The following SORCS2 variants were observed in gnomAD, a reference collection of about 807,000 sequenced individuals.
SORCS2 encodes the protein sortilin related VPS10 domain containing receptor 2.
A neutral mutation model predicts 141.6 loss-of-function variants in SORCS2; 100 were observed. The observed-to-expected ratio is 0.71, with a 90% CI of 0.60 to 0.83. The LOEUF is 0.83. Among genes scored for constraint, SORCS2 ranks in the 40% least tolerant of loss-of-function variants. The pLI is 0.00. For missense variants in SORCS2, 1,646 were observed against 1,560.2 expected, an observed-to-expected ratio of 1.05 and a Z score of -0.93; for synonymous variants, 789 against 676.9, an observed-to-expected ratio of 1.17 and a Z score of -2.57.
rs145350035 is a variant in SORCS2 at position 7,712,221 on chromosome 4, T to C, written c.1869-512T>C. On this transcript the variant is annotated intron_variant, in intron 14 of 26. Coordinates refer to ENST00000507866, the MANE Select transcript of SORCS2 (RefSeq NM_020777.3). Reference sequence around the variant, plus strand: ...TTATTTCTCTTTGAATCGCCACCTCTACTAGGGAGCAAATGCCCTGTGGCC... The same window carrying C: ...TTATTTCTCTTTGAATCGCCACCTCCACTAGGGAGCAAATGCCCTGTGGCC... Among the ~76,000 whole-genome samples, 784 of 152,312 alleles carry C rather than the reference T, an allele frequency of 5.1e-3. 5 individuals carry two copies. Among genetic ancestry groups the C allele is most frequent in the African/African-American group, 0.018 (737 of 41,570 alleles).
chr4:7,199,795 C>T (rs148547337), intron 1 of SORCS2, among the ~76,000 whole-genome samples: 14 of 152,252 alleles, frequency 9.2e-5, no homozygotes, highest in Non-Finnish European at 1.6e-4. Flanking sequence ...TCTGCACCCC[C>T]TCAAGTGCTG....
intron 2 of SORCS2, among the ~76,000 whole-genome samples, chr4:7,487,422 C>T (rs1429724644): frequency 2.0e-5 from 3 of 152,210 alleles, no homozygotes; most frequent in East Asian, 1.9e-4. Context: ...CTCCACTTCC[C>T]CCTCCCCTTG....
intron 3 of SORCS2, among the ~76,000 whole-genome samples, chr4:7,541,936 A>G (rs868047185): frequency 2.0e-5 from 3 of 152,238 alleles, no homozygotes; most frequent in Non-Finnish European, 4.4e-5. Flanking sequence ...CAGCTCACCA[A>G]TGAGCATACT....
chr4:7,509,474 C>G (rs1199446271), intron 2 of SORCS2, among the ~76,000 whole-genome samples: 1 of 152,156 alleles, frequency 6.6e-6, no homozygotes, highest in Non-Finnish European at 1.5e-5. Context: ...GACGGCACAG[C>G]CAGGACGCAT....
chr4:7,193,860 C>T lies in SORCS2; in HGVS notation c.480+734C>T, dbSNP rs1410246259. On this transcript the variant is annotated intron_variant, in intron 1 of 26. Coordinates refer to ENST00000507866, the MANE Select transcript of SORCS2 (RefSeq NM_020777.3). This position sits in a 1 kb window ranked among gnomAD's most constrained non-coding sequence, Gnocchi z 4.8. ...GGCTTTGCTCCAGCTGGAAGTTTGC[C>T]ACCTCTGTTGGGGACCTCCTGTTCC... Among the ~76,000 whole-genome samples the T allele has an allele frequency of 6.6e-6, 1 of 152,176 alleles. No individual in the cohort carries two copies. The highest frequency in any genetic ancestry group is 2.1e-4 in the South Asian group (1 of 4,834).
At chr4:7,399,678 G>A (rs6852515) in intron 2 of SORCS2, among the ~76,000 whole-genome samples, 22,340 of 152,110 alleles carry the variant, frequency 0.15, 1,772 homozygotes, top group Non-Finnish European at 0.18. Flanking sequence ...TGTGCAGGGC[G>A]TGCTCCTCCA....
At chr4:7,329,908 G>T (rs1396968377) in intron 1 of SORCS2, among the ~76,000 whole-genome samples, 1 of 152,092 alleles carries the variant, frequency 6.6e-6, no homozygotes, top group Non-Finnish European at 1.5e-5. Context: ...TCTGGATGTG[G>T]CCCCATCTTG....
chr4:7,199,300 C>T (rs865877522), intron 1 of SORCS2, among the ~76,000 whole-genome samples: 3 of 152,050 alleles, frequency 2.0e-5, no homozygotes, highest in Non-Finnish European at 4.4e-5. Flanking sequence ...GAAGTGGGGC[C>T]GGTGTGGAGG....
At chr4:7,410,904 C>T (rs1019423136) in intron 2 of SORCS2, among the ~76,000 whole-genome samples, 30 of 148,148 alleles carry the variant, frequency 2.0e-4, no homozygotes, top group African/African-American at 6.7e-4. Flanking sequence ...GAGGAGACTT[C>T]TCAGCATTCC....
chr4:7,275,793 G>A (rs899395642), intron 1 of SORCS2, among the ~76,000 whole-genome samples: 2 of 152,176 alleles, frequency 1.3e-5, no homozygotes, highest in African/African-American at 4.8e-5. Context: ...GCTTTGATGT[G>A]TAGTGTCGTG....
At chr4:7,644,432 C>G (rs1220516716) in intron 4 of SORCS2, among the ~76,000 whole-genome samples, 1 of 152,160 alleles carries the variant, frequency 6.6e-6, no homozygotes. Context: ...CAGACATGGC[C>G]CAGTGGGGCA....
chr4:7,687,378 G>T (rs1250402213), intron 10 of SORCS2, among the ~76,000 whole-genome samples: 2 of 152,176 alleles, frequency 1.3e-5, no homozygotes, highest in Non-Finnish European at 2.9e-5. Flanking sequence ...GGACTGAAAG[G>T]TGCCAGCAAG....
At chr4:7,700,706 A>AC (rs1169165113) in intron 12 of SORCS2, among the ~76,000 whole-genome samples, 1 of 151,804 alleles carries the variant, frequency 6.6e-6, no homozygotes, top group African/African-American at 2.4e-5. Flanking sequence ...CCCCCGCTCC[A>AC]CCCCCGGGGG....
At chr4:7,613,990 C>T (rs1718590537) in intron 3 of SORCS2, among the ~76,000 whole-genome samples, 1 of 151,956 alleles carries the variant, frequency 6.6e-6, no homozygotes, top group African/African-American at 2.4e-5. Context: ...TCCATCTATC[C>T]ATCCACCTAT....
At chr4:7,459,359 G>A (rs992867187) in intron 2 of SORCS2, among the ~76,000 whole-genome samples, 5 of 152,292 alleles carry the variant, frequency 3.3e-5, no homozygotes, top group African/African-American at 1.2e-4. Context: ...TGAGGTGGGG[G>A]TCAGGCACAG....
At chr4:7,307,008 A>T (rs1016643794) in intron 1 of SORCS2, among the ~76,000 whole-genome samples, 1 of 152,192 alleles carries the variant, frequency 6.6e-6, no homozygotes, top group African/African-American at 2.4e-5. Flanking sequence ...AGAGTCTGCA[A>T]GTCCACAGTG....
chr4:7,733,898 C>T (rs543103848), intron 24 of SORCS2, among the ~76,000 whole-genome samples: 22 of 152,306 alleles, frequency 1.4e-4, no homozygotes, highest in Non-Finnish European at 2.1e-4. Context: ...CCACACAGGA[C>T]GCACTCCTGG....
intron 2 of SORCS2, among the ~76,000 whole-genome samples, chr4:7,483,476 C>T (rs1305755296): frequency 6.6e-6 from 1 of 152,044 alleles, no homozygotes; most frequent in African/African-American, 2.4e-5. Context: ...TGTCCTGGAG[C>T]CTTTGGGAGG....
At chr4:7,599,359 C>A (rs1560415948) in intron 3 of SORCS2, among the ~76,000 whole-genome samples, 1 of 152,186 alleles carries the variant, frequency 6.6e-6, no homozygotes, top group African/African-American at 2.4e-5. Context: ...GGCACGGGTG[C>A]TTCTCTGCAG....
Sources: allele counts gnomAD v4.1 joint callset (sites outside exome capture counted in the v4.1 genomes callset), GRCh38; gene constraint gnomAD v4.1.1; non-coding constraint Gnocchi (gnomAD v3.1); transcripts MANE v1.5; gene names NCBI Gene and HGNC (gene_info 2026-07-23, HGNC 2026-07-21).